LYZL1: variants seen among roughly 807,000 people sequenced by gnomAD.
LYZL1 encodes lysozyme-like protein 1.
In LYZL1, 16 loss-of-function variants were observed where a neutral mutation model predicts 17.9. The observed-to-expected ratio is 0.90, with a 90% CI of 0.61 to 1.36. LYZL1 has a LOEUF of 1.36. LYZL1 is among the 40% of genes most tolerant of loss of function. LYZL1 has a pLI of 0.00. For missense variants in LYZL1, 149 were observed against 188.4 expected (o/e 0.79, Z 1.22); for synonymous variants, 58 against 71.8 (o/e 0.81, Z 0.97).
intron 3 of LYZL1, among the ~76,000 whole-genome samples, chr10:29,302,485 G>C (rs1394284974): frequency 6.6e-6 from 1 of 152,206 alleles, no homozygotes; most frequent in Non-Finnish European, 1.5e-5. Context: ...GGTGTTGCTA[G>C]TAAGCATGTT....
downstream of LYZL1, among the ~76,000 whole-genome samples, chr10:29,314,826 G>T (rs1835710398): frequency 6.6e-6 from 1 of 152,158 alleles, no homozygotes; most frequent in Admixed American, 6.6e-5. Context: ...GATACGGAAG[G>T]GGTAACTATC....
At position 29,306,796 on chromosome 10, in the gene LYZL1, A is replaced by ATGTGTGTGTGTGTG. The variant is rs35332190; in HGVS notation, c.299-3293_299-3280dup. ...CACCTCACATAGTTACCGCTTATGT[A>ATGTGTGTGTGTGTG]TGTGTGTGTGTGTGTGTGTGTGTGT... On this transcript the variant is annotated intron_variant, in intron 3 of 4. Coordinates refer to ENST00000649382, the MANE Select transcript of LYZL1 (RefSeq NM_032517.6). Among the ~76,000 whole-genome samples the ATGTGTGTGTGTGTG allele has an allele frequency of 1.9e-3, 266 of 141,172 alleles. No individual in the cohort carries two copies. The East Asian group carries it at 0.028, about 15-fold the overall frequency. 92.6% of individuals were successfully genotyped at this position (141,172 alleles called of 152,430 possible).
At chr10:29,289,828 G>C (rs1835337056) in intron 1 of LYZL1, among the ~76,000 whole-genome samples, 1 of 152,134 alleles carries the variant, frequency 6.6e-6, no homozygotes, top group Non-Finnish European at 1.5e-5. Context: ...TAATATGTTA[G>C]GCTTTGTGGT....
downstream of LYZL1, among the ~76,000 whole-genome samples, chr10:29,315,563 G>T (rs985951526): frequency 6.6e-6 from 1 of 151,566 alleles, no homozygotes. Context: ...AAAATAAAAA[G>T]TTTAAGGGCT....
At chr10:29,316,222 G>T (rs1354409516), downstream of LYZL1, among the ~76,000 whole-genome samples, 7 of 152,318 alleles carry the variant, frequency 4.6e-5, no homozygotes, top group East Asian at 1.3e-3. Context: ...CCTTGAGCAG[G>T]TAATTCTTTC....
chr10:29,298,610 C>T lies in LYZL1; in HGVS notation c.298+5933C>T, dbSNP rs74942583. On this transcript the variant is annotated intron_variant, in intron 3 of 4. Coordinates refer to ENST00000649382, the MANE Select transcript of LYZL1 (RefSeq NM_032517.6). The stretch of plus-strand genomic sequence containing the variant: ...CACAAAACCGTAGGAAAACATGCTT[C>T]ACAAAAAGGATAAACTAAAACAATA... 3.4e-4 allele frequency among the ~76,000 whole-genome samples: 51 copies of T among 152,184 alleles called. No homozygotes were observed. The East Asian group carries it at 9.9e-3, about 29-fold the overall frequency.
At chr10:29,299,118 C>T (rs988946017) in intron 3 of LYZL1, among the ~76,000 whole-genome samples, 1 of 152,266 alleles carries the variant, frequency 6.6e-6, no homozygotes, top group African/African-American at 2.4e-5. Flanking sequence ...AGGGTTCGCA[C>T]TCCTATGAGA....
chr10:29,302,131 G>C (rs1014703682), intron 3 of LYZL1, among the ~76,000 whole-genome samples: 18 of 152,142 alleles, frequency 1.2e-4, no homozygotes, highest in African/African-American at 4.3e-4. Flanking sequence ...GCCCTTGACT[G>C]ATCTTTCTCC....
chr10:29,302,035 G>A (rs1835526000), intron 3 of LYZL1, among the ~76,000 whole-genome samples: 1 of 151,824 alleles, frequency 6.6e-6, no homozygotes, highest in Non-Finnish European at 1.5e-5. Flanking sequence ...TGTTTTTCTT[G>A]AAGTCCTTGA....
rs778464322 is a variant in LYZL1, at chr10:29,292,582, G to A, written c.203G>A (p.Gly68Asp). The change falls in exon 3 of 5, where the codon GGC (glycine) becomes GAC (aspartate). Residue 68 changes from glycine to aspartate, a missense_variant. Transcript: ENST00000649382. ...NTTAQTVLDDGSIDYGIFQIN... is the reference protein window; with the variant it reads ...NTTAQTVLDDDSIDYGIFQIN... Reference sequence around the variant, plus strand: ...ACAGCCCAGACGGTCCTGGATGACGGCAGCATCGACTATGGCATCTTCCAG... The same window carrying A: ...ACAGCCCAGACGGTCCTGGATGACGACAGCATCGACTATGGCATCTTCCAG... 1 of 1,614,128 alleles carries A rather than the reference G, an allele frequency of 6.2e-7. No homozygotes were observed. Among genetic ancestry groups the A allele is most frequent in the African/African-American group, 1.3e-5 (1 of 74,938 alleles).
At chr10:29,300,242 A>T (rs200084692) in intron 3 of LYZL1, among the ~76,000 whole-genome samples, 197 of 120,236 alleles carry the variant, frequency 1.6e-3, no homozygotes, top group African/African-American at 5.4e-3. Flanking sequence ...CTTTGGAATT[A>T]AAAAAAAAAT....
chr10:29,300,660 TC>T (rs1229725283), intron 3 of LYZL1, among the ~76,000 whole-genome samples: 2 of 152,238 alleles, frequency 1.3e-5, no homozygotes, highest in Non-Finnish European at 2.9e-5. Context: ...GAAAGAACTT[TC>T]TTTACCTTCT....
At chr10:29,303,827 T>A (rs74589599) in intron 3 of LYZL1, among the ~76,000 whole-genome samples, 1,535 of 152,352 alleles carry the variant, frequency 0.01, 27 homozygotes, top group African/African-American at 0.035. Flanking sequence ...TAGGGACATT[T>A]GTCATGGGAA....
chr10:29,289,393 G>A (rs1050428014), intron 1 of LYZL1, among the ~76,000 whole-genome samples, 163 bp downstream of exon 1: 2 of 149,902 alleles, frequency 1.3e-5, no homozygotes, highest in African/African-American at 4.9e-5. Flanking sequence ...TGTAAGCTCT[G>A]TATCTTTTTT....
chr10:29,309,715 C>T (rs560853221), intron 3 of LYZL1, among the ~76,000 whole-genome samples: 10 of 152,276 alleles, frequency 6.6e-5, no homozygotes, highest in African/African-American at 1.7e-4. Flanking sequence ...AGGCTGGACT[C>T]AAACTCCTGG....
At chr10:29,291,511 T>C (rs1167406080) in intron 1 of LYZL1, among the ~76,000 whole-genome samples, 2 of 151,472 alleles carry the variant, frequency 1.3e-5, no homozygotes, top group African/African-American at 4.9e-5. Flanking sequence ...ACCCCTGTAT[T>C]CTATTTTTCA....
chr10:29,291,776 T>C, intron 1 of LYZL1, 67 bp from the exon 2 acceptor site: 1 of 1,514,650 alleles, frequency 6.6e-7, no homozygotes, highest in South Asian at 1.2e-5. Flanking sequence ...CTGTGCACAG[T>C]CACCACCGCT....
chr10:29,315,447 G>A (rs1835718679), downstream of LYZL1, among the ~76,000 whole-genome samples: 1 of 152,082 alleles, frequency 6.6e-6, no homozygotes, highest in Admixed American at 6.5e-5. Context: ...TGAGGCGGAG[G>A]TTGCAGGGAG....
At chr10:29,308,828 G>A (rs1835632208) in intron 3 of LYZL1, among the ~76,000 whole-genome samples, 2 of 151,210 alleles carry the variant, frequency 1.3e-5, no homozygotes, top group African/African-American at 4.9e-5. Context: ...GGCCGGGCAT[G>A]GTGGCCCATG....
Sources: gnomAD v4.1 joint callset for allele counts (sites outside exome capture counted in the v4.1 genomes callset) on GRCh38, gnomAD v4.1.1 for gene constraint, MANE v1.5 for transcripts, NCBI Gene and HGNC (gene_info 2026-07-23, HGNC 2026-07-21) for gene names.